The following PHYHIPL variants were observed in gnomAD, a reference collection of about 807,000 sequenced individuals.
The protein encoded by PHYHIPL is phytanoyl-CoA hydroxylase-interacting protein-like.
A neutral mutation model predicts 33.4 loss-of-function variants in PHYHIPL; 9 were observed. The observed-to-expected ratio is 0.27, with a 90% CI of 0.16 to 0.47. The LOEUF is 0.47. Ranked by LOEUF, PHYHIPL falls within the 20% of genes least tolerant of loss-of-function variation. The probability of loss-of-function intolerance (pLI) is 0.99; values close to 1 mark genes in which losing one functional copy is unlikely to be tolerated. For synonymous variants in PHYHIPL, 153 were observed against 154.1 expected (o/e 0.99, Z 0.05); for missense variants, 365 against 460.7 (o/e 0.79, Z 1.90).
rs536102988 is a variant in PHYHIPL, at chr10:59,245,117, T to A, written c.657T>A (p.Ser219=). Residue 219 remains serine (S), a synonymous_variant, in exon 5 of 5, where the codon TCT becomes TCA. Transcript: ENST00000373880. ...SVKDNSGSHG[S]PISGKLEGIF... ...AGGATAACAGTGGTAGCCATGGCTC[T>A]CCTATCAGTGGAAAATTAGAAGGCA... 6.2e-7 allele frequency: 1 copy of A among 1,614,084 alleles called. No homozygotes were observed. The highest frequency in any genetic ancestry group is 1.1e-5 in the South Asian group (1 of 91,070).
chr10:59,201,005 C>T (rs1839089028), intron 1 of PHYHIPL, among the ~76,000 whole-genome samples: 1 of 152,160 alleles, frequency 6.6e-6, no homozygotes, highest in Admixed American at 6.5e-5. Flanking sequence ...TTTCAAAAAA[C>T]CAGCTCCTGG....
rs555993481 is a variant in PHYHIPL at position 59,176,794 on chromosome 10, A to G, written c.-60A>G. ...CCTCCCTTTCCCGCTCTTCTTGCCC[A>G]CCCGGCCGGCAGAGAGAGCCTGGAT... is the stretch of plus-strand genomic sequence containing the variant. On this transcript the variant is annotated 5_prime_UTR_variant, in exon 1 of 5. Transcript: ENST00000373880. 4 of 1,471,954 alleles carry G rather than the reference A, an allele frequency of 2.7e-6. No individual in the cohort carries two copies. Among genetic ancestry groups the G allele is most frequent in the African/African-American group, 1.4e-5 (1 of 71,080 alleles). The allele number at this position is 1,471,954 out of a possible 1,614,324, so 91.2% of individuals were successfully genotyped here.
chr10:59,237,965 A>G (rs1393417007), intron 3 of PHYHIPL, among the ~76,000 whole-genome samples: 5 of 151,920 alleles, frequency 3.3e-5, no homozygotes, highest in African/African-American at 1.2e-4. Context: ...CAGTGAGTAA[A>G]CAAACTATGT....
At chr10:59,219,943 C>G (rs1328416907) in intron 1 of PHYHIPL, among the ~76,000 whole-genome samples, 1 of 152,060 alleles carries the variant, frequency 6.6e-6, no homozygotes, top group Non-Finnish European at 1.5e-5. Context: ...AAAAAGCAGA[C>G]AAATAGAATT....
rs1310017334 is a variant in PHYHIPL at position 59,247,649 on chromosome 10, G to A, written c.*2058G>A. 7 of 1,613,388 alleles carry A rather than the reference G, an allele frequency of 4.3e-6. No individual in the cohort carries two copies. Among genetic ancestry groups the A allele is most frequent in the Non-Finnish European group, 5.9e-6 (7 of 1,179,624 alleles). ...TTGGCCACATCTTGCTTGCTGATGA[G>A]GACCTCTAATAGTCTCAGTTTGGCT... On this transcript the variant is annotated 3_prime_UTR_variant, in exon 5 of 5. Transcript: ENST00000373880.
intron 1 of PHYHIPL, among the ~76,000 whole-genome samples, chr10:59,209,591 A>ATGT (rs1295755612): frequency 6.6e-6 from 1 of 152,206 alleles, no homozygotes; most frequent in Non-Finnish European, 1.5e-5. Flanking sequence ...TTAACCTTAA[A>ATGT]TGTAAATGGG....
chr10:59,243,301 T>G lies in PHYHIPL; in HGVS notation c.597-1756T>G, dbSNP rs187371816. The stretch of plus-strand genomic sequence containing the variant: ...GAGAATCCTATATCCGGTGAAAATA[T>G]CCTTCAATAATAAAAGGGAATTAAG... On this transcript the variant is annotated intron_variant, in intron 4 of 4. Transcript: ENST00000373880. Among the ~76,000 whole-genome samples, 4 of 152,172 alleles carry G rather than the reference T, an allele frequency of 2.6e-5. No homozygotes were observed. The East Asian group carries it at 7.7e-4, about 29-fold the overall frequency.
chr10:59,232,991 C>T (rs1036567599), intron 1 of PHYHIPL, among the ~76,000 whole-genome samples: 16 of 151,690 alleles, frequency 1.1e-4, no homozygotes, highest in Non-Finnish European at 5.9e-5. Flanking sequence ...GGATTCTATG[C>T]GACCTGATGG....
intron 1 of PHYHIPL, among the ~76,000 whole-genome samples, chr10:59,217,813 C>G (rs765799091): frequency 6.6e-6 from 1 of 152,030 alleles, no homozygotes; most frequent in Non-Finnish European, 1.5e-5. Flanking sequence ...ATAGCCTTCT[C>G]TCAATCTTAC....
chr10:59,224,588 G>T (rs1839875984), intron 1 of PHYHIPL, among the ~76,000 whole-genome samples: 4 of 152,304 alleles, frequency 2.6e-5, no homozygotes, highest in African/African-American at 9.6e-5. Flanking sequence ...CTAGTGCCAA[G>T]TCATAGAGAA....
chr10:59,227,975 G>GAGAGAGATATATATATATATATATAT (rs10530291), intron 1 of PHYHIPL, among the ~76,000 whole-genome samples: 2 of 145,490 alleles, frequency 1.4e-5, no homozygotes, highest in Non-Finnish European at 3.0e-5. Context: ...TGCCTATTGA[G>GAGAGAGATATATATATATATATATAT]ATATATATAT....
chr10:59,228,405 G>A (rs1037234324), intron 1 of PHYHIPL, among the ~76,000 whole-genome samples: 2 of 152,046 alleles, frequency 1.3e-5, no homozygotes, highest in African/African-American at 2.4e-5. Flanking sequence ...AGAGTTTATT[G>A]TAAAGCAGAG....
At chr10:59,215,986 G>A (rs1441582412) in intron 1 of PHYHIPL, among the ~76,000 whole-genome samples, 2 of 151,982 alleles carry the variant, frequency 1.3e-5, no homozygotes, top group Non-Finnish European at 2.9e-5. Flanking sequence ...GAAAAGATTG[G>A]AAAGGAAAAT....
chr10:59,236,392 C>A (rs1342044029), intron 2 of PHYHIPL, 91 bp from the exon 3 acceptor site: 2 of 689,464 alleles, frequency 2.9e-6, no homozygotes, highest in Admixed American at 7.4e-5. Context: ...TTCCCTCCTT[C>A]CTCCCTTCTC....
At position 59,246,737 on chromosome 10, in the gene PHYHIPL, G is replaced by T; in HGVS notation, c.*1146G>T. The T allele has an allele frequency of 5.0e-6, 2 of 396,808 alleles. No individual in the cohort carries two copies. 24.6% of individuals were successfully genotyped at this position (396,808 alleles called of 1,614,324 possible). A position where few individuals can be genotyped will look rare whatever the true frequency, so the allele number is the denominator to read the frequency against. ...ATGGGAAATGTTTTGACTTTACAAA[G>T]TATAGATGTTGGAACATTAAGAAAA... On this transcript the variant is annotated 3_prime_UTR_variant, in exon 5 of 5. Transcript: ENST00000373880.
chr10:59,196,145 A>G (rs1340932552), intron 1 of PHYHIPL, among the ~76,000 whole-genome samples: 1 of 152,120 alleles, frequency 6.6e-6, no homozygotes, highest in African/African-American at 2.4e-5. Context: ...CCTTAAAACA[A>G]AGTATCTAAA....
chr10:59,229,509 G>A (rs1050225277), intron 1 of PHYHIPL, among the ~76,000 whole-genome samples: 6 of 151,922 alleles, frequency 3.9e-5, no homozygotes, highest in Non-Finnish European at 5.9e-5. Flanking sequence ...TCTCTACTAC[G>A]GAATAGATAA....
intron 1 of PHYHIPL, among the ~76,000 whole-genome samples, chr10:59,221,397 T>G (rs575849498): frequency 6.6e-6 from 1 of 152,208 alleles, no homozygotes; most frequent in East Asian, 1.9e-4. Context: ...ATTTACTGTT[T>G]TTTAGCCCAT....
At chr10:59,224,225 T>G (rs1027850870) in intron 1 of PHYHIPL, among the ~76,000 whole-genome samples, 3 of 152,200 alleles carry the variant, frequency 2.0e-5, no homozygotes, top group African/African-American at 7.2e-5. Context: ...CTTAGACTTG[T>G]TTAATTAATT....
Sources: gnomAD v4.1 joint callset for allele counts (sites outside exome capture counted in the v4.1 genomes callset) on GRCh38, gnomAD v4.1.1 for gene constraint, MANE v1.5 for transcripts, NCBI Gene and HGNC (gene_info 2026-07-23, HGNC 2026-07-21) for gene names.